Variants in PPM1L observed in about 807,000 individuals in gnomAD.
The protein encoded by PPM1L is protein phosphatase 1L.
PPM1L carries 13 observed loss-of-function variants against 31.4 expected under a neutral mutation model. That is an observed-to-expected ratio of 0.41 (90% confidence interval 0.27 to 0.66). The LOEUF is 0.66. Among genes scored for constraint, PPM1L ranks in the 30% least tolerant of loss-of-function variants. PPM1L has a pLI of 0.29. For synonymous variants in PPM1L, 184 were observed against 175.4 expected, an observed-to-expected ratio of 1.05 and a Z score of -0.39; for missense variants, 326 against 453.7, an observed-to-expected ratio of 0.72 and a Z score of 2.56.
chr3:160,989,006 A>G (rs777808291), intron 2 of PPM1L, among the ~76,000 whole-genome samples: 3 of 152,140 alleles, frequency 2.0e-5, no homozygotes, highest in Non-Finnish European at 4.4e-5. Flanking sequence ...CTGATATAAA[A>G]CCCAATGTAT....
chr3:160,996,782 A>C (rs1360978493), intron 2 of PPM1L, among the ~76,000 whole-genome samples: 1 of 152,230 alleles, frequency 6.6e-6, no homozygotes, highest in Non-Finnish European at 1.5e-5. Flanking sequence ...AACCTATTGA[A>C]ATCATAAAAA....
intron 2 of PPM1L, among the ~76,000 whole-genome samples, chr3:160,986,248 GCCC>G (rs1716961324): frequency 6.6e-6 from 1 of 152,110 alleles, no homozygotes; most frequent in Admixed American, 6.6e-5. Context: ...TGCTACCCAT[GCCC>G]ACATGCTTGT....
chr3:160,872,662 T>G (rs1047868269), intron 1 of PPM1L, among the ~76,000 whole-genome samples: 3 of 152,114 alleles, frequency 2.0e-5, no homozygotes, highest in African/African-American at 4.8e-5. Context: ...CGCGGTGGCT[T>G]ACGTCTGTAA....
intron 1 of PPM1L, among the ~76,000 whole-genome samples, chr3:160,761,603 C>A (rs1048688943): frequency 1.3e-5 from 2 of 152,188 alleles, no homozygotes; most frequent in African/African-American, 4.8e-5. Flanking sequence ...GGAATACATT[C>A]ATCTGGTACA....
intron 1 of PPM1L, among the ~76,000 whole-genome samples, chr3:160,940,699 C>T (rs541564964): frequency 8.5e-5 from 13 of 152,328 alleles, no homozygotes; most frequent in African/African-American, 3.1e-4. Context: ...TGCCTGGATG[C>T]CCAGGCAAAA....
intron 1 of PPM1L, among the ~76,000 whole-genome samples, chr3:160,913,784 G>C (rs1035491118): frequency 6.6e-6 from 1 of 151,936 alleles, no homozygotes; most frequent in Non-Finnish European, 1.5e-5. Flanking sequence ...ACTACAATTC[G>C]TGTATTCATT....
chr3:160,880,640 A>G (rs1370846329), intron 1 of PPM1L, among the ~76,000 whole-genome samples: 4 of 152,154 alleles, frequency 2.6e-5, no homozygotes, highest in African/African-American at 7.2e-5. Flanking sequence ...AAAAAAAAAA[A>G]AAGTCAAGGA....
chr3:160,780,908 T>C (rs971582734), intron 1 of PPM1L, among the ~76,000 whole-genome samples: 2 of 152,216 alleles, frequency 1.3e-5, no homozygotes, highest in Non-Finnish European at 2.9e-5. Flanking sequence ...AAGGGTTTAG[T>C]ATAGTGCCTG....
intron 1 of PPM1L, among the ~76,000 whole-genome samples, chr3:160,801,684 G>GT (rs1296987768): frequency 6.6e-6 from 1 of 152,120 alleles, no homozygotes; most frequent in Non-Finnish European, 1.5e-5. Context: ...GACTTCTGCA[G>GT]TTTTTTGTTT....
chr3:161,026,033 G>T (rs528277022), intron 2 of PPM1L, among the ~76,000 whole-genome samples: 1 of 152,220 alleles, frequency 6.6e-6, no homozygotes, highest in Admixed American at 6.5e-5. Context: ...CTTTTTAAAA[G>T]AAATATAATT....
intron 2 of PPM1L, among the ~76,000 whole-genome samples, chr3:161,051,006 A>G (rs1366014408): frequency 6.6e-6 from 1 of 152,104 alleles, no homozygotes; most frequent in Non-Finnish European, 1.5e-5. Flanking sequence ...TTGCTTCTTT[A>G]CCTCCTTCTT....
At chr3:160,772,990 T>A (rs1715297440) in intron 1 of PPM1L, among the ~76,000 whole-genome samples, 1 of 152,222 alleles carries the variant, frequency 6.6e-6, no homozygotes, top group Non-Finnish European at 1.5e-5. Context: ...TTGAGTTGTT[T>A]GAGTTTTTGG....
chr3:160,910,841 A>G (rs1713948201), intron 1 of PPM1L, among the ~76,000 whole-genome samples: 1 of 152,210 alleles, frequency 6.6e-6, no homozygotes, highest in Non-Finnish European at 1.5e-5. Flanking sequence ...CCTTTATTGC[A>G]GGCTGCCACA....
intron 1 of PPM1L, among the ~76,000 whole-genome samples, chr3:160,778,904 G>A (rs1366094865): frequency 6.6e-6 from 1 of 152,078 alleles, no homozygotes; most frequent in African/African-American, 2.4e-5. Flanking sequence ...TGAAAACTGT[G>A]GTTGGTAAAG....
intron 1 of PPM1L, among the ~76,000 whole-genome samples, chr3:160,793,719 A>G (rs1198838657): frequency 6.6e-6 from 1 of 152,224 alleles, no homozygotes; most frequent in Non-Finnish European, 1.5e-5. Flanking sequence ...CTTTATTTCA[A>G]TAGACAGTTT....
chr3:161,069,260 C>T lies in PPM1L; in HGVS notation c.*103C>T, dbSNP rs927529188. The T allele has an allele frequency of 2.3e-6, 2 of 884,170 alleles. No individual in the cohort carries two copies. Among genetic ancestry groups the T allele is most frequent in the Admixed American group, 5.7e-5 (2 of 35,218 alleles). The allele number at this position is 884,170 out of a possible 1,614,324, so 54.8% of individuals were successfully genotyped here. A position where few individuals can be genotyped will look rare whatever the true frequency, so the allele number is the denominator to read the frequency against. ...GGAGTTGTAATTAGGATCATCCACC[C>T]CAGACATGGAATCCCCCCTCCCTGG... On this transcript the variant is annotated 3_prime_UTR_variant, in exon 4 of 4. Transcript: ENST00000498165.
chr3:160,953,697 C>G (rs34083795), intron 1 of PPM1L, among the ~76,000 whole-genome samples: 3,713 of 152,136 alleles, frequency 0.024, 63 homozygotes, highest in Non-Finnish European at 0.039. Flanking sequence ...AGTTTAATAC[C>G]TTTTCCTCAC....
intron 1 of PPM1L, 111 bp from the exon 2 acceptor site, chr3:160,961,625 G>A: frequency 1.3e-6 from 1 of 776,320 alleles, no homozygotes; most frequent in Non-Finnish European, 1.9e-6. Context: ...CTTGTCTGGA[G>A]GGTTGGTTTC....
At chr3:160,838,049 T>A (rs1465002258) in intron 1 of PPM1L, among the ~76,000 whole-genome samples, 2 of 152,072 alleles carry the variant, frequency 1.3e-5, no homozygotes, top group Non-Finnish European at 2.9e-5. Context: ...GATAGTAAGT[T>A]GCAAAAAAGG....
Sources: allele counts gnomAD v4.1 joint callset (sites outside exome capture counted in the v4.1 genomes callset), GRCh38; gene constraint gnomAD v4.1.1; transcripts MANE v1.5; gene names NCBI Gene and HGNC (gene_info 2026-07-23, HGNC 2026-07-21).